CCDC170: variants seen among roughly 807,000 people sequenced by gnomAD.
The protein encoded by CCDC170 is coiled-coil domain-containing protein 170.
A neutral mutation model predicts 72.6 loss-of-function variants in CCDC170; 69 were observed. The observed-to-expected ratio is 0.95, with a 90% CI of 0.78 to 1.16. CCDC170 has a LOEUF of 1.16. Ranked by LOEUF, CCDC170 falls within the 50% of genes most tolerant of loss-of-function variation. The pLI, the probability that CCDC170 is intolerant of heterozygous loss-of-function variation, is 0.00. For missense variants in CCDC170, 852 were observed against 832.5 expected (o/e 1.02, Z -0.29); for synonymous variants, 300 against 303.9 (o/e 0.99, Z 0.13).
chr6:151,611,077 A>C (rs557426601), intron 9 of CCDC170, among the ~76,000 whole-genome samples: 17 of 152,284 alleles, frequency 1.1e-4, no homozygotes, highest in African/African-American at 4.1e-4. Flanking sequence ...GAAGATCAAG[A>C]ACATCTTGGC....
chr6:151,541,590 A>G (rs1389442246), intron 3 of CCDC170, among the ~76,000 whole-genome samples: 1 of 152,072 alleles, frequency 6.6e-6, no homozygotes. Flanking sequence ...TGGGTACTCA[A>G]TAAGTATTTA....
At position 151,499,240 on chromosome 6, in the gene CCDC170, C is replaced by G. The variant is rs570089330; in HGVS notation, c.57+5055C>G. ...ACTGTATTTGACTCTTCTAGGCATGCTGTATAAGTGGAATCAGACTGTATT... is the reference window on the plus strand; with the variant it reads ...ACTGTATTTGACTCTTCTAGGCATGGTGTATAAGTGGAATCAGACTGTATT... On this transcript the variant is annotated intron_variant, in intron 1 of 10. Coordinates refer to ENST00000239374, the MANE Select transcript of CCDC170 (RefSeq NM_025059.4). Among the ~76,000 whole-genome samples the G allele has an allele frequency of 2.0e-3, 263 of 130,872 alleles. 2 individuals are homozygous for G. The highest frequency in any genetic ancestry group is 3.1e-3 in the African/African-American group (91 of 29,594). The allele number at this position is 130,872 out of a possible 152,430, so 85.9% of individuals were successfully genotyped here.
chr6:151,549,246 A>G (rs1452964347), intron 5 of CCDC170, among the ~76,000 whole-genome samples: 46 of 152,064 alleles, frequency 3.0e-4, no homozygotes, highest in Admixed American at 3.0e-3. Flanking sequence ...CATGTTAGCC[A>G]GGCTGGTCTC....
intron 1 of CCDC170, among the ~76,000 whole-genome samples, chr6:151,519,208 A>AT (rs1170290783): frequency 2.0e-5 from 3 of 152,104 alleles, no homozygotes; most frequent in Non-Finnish European, 4.4e-5. Context: ...CAGAGCGGCC[A>AT]TTTATGGACC....
At chr6:151,580,197 C>G (rs1280523234) in intron 6 of CCDC170, among the ~76,000 whole-genome samples, 1 of 152,164 alleles carries the variant, frequency 6.6e-6, no homozygotes. Context: ...AGTTCTCCCT[C>G]TCTCCGCTTG....
At chr6:151,511,387 G>C (rs1782148053) in intron 1 of CCDC170, among the ~76,000 whole-genome samples, 1 of 152,162 alleles carries the variant, frequency 6.6e-6, no homozygotes, top group African/African-American at 2.4e-5. Flanking sequence ...TGACCAGAGG[G>C]AAGAAGCCTT....
chr6:151,578,645 C>T (rs1231751577), intron 6 of CCDC170, among the ~76,000 whole-genome samples: 2 of 152,150 alleles, frequency 1.3e-5, no homozygotes, highest in African/African-American at 2.4e-5. Context: ...CCTAATTTAA[C>T]TCAAAACAAA....
chr6:151,537,975 G>T, intron 2 of CCDC170, 70 bp from the exon 3 acceptor site: 5 of 1,427,492 alleles, frequency 3.5e-6, no homozygotes, highest in Non-Finnish European at 4.7e-6. Flanking sequence ...GATGGCTTTG[G>T]GTTTCTTAAA....
chr6:151,557,652 C>G (rs1372010197), intron 5 of CCDC170, among the ~76,000 whole-genome samples: 1 of 152,164 alleles, frequency 6.6e-6, no homozygotes, highest in Non-Finnish European at 1.5e-5. Flanking sequence ...TACATTCCCA[C>G]CAACAGTGTT....
chr6:151,580,527 T>G (rs1776365869), intron 6 of CCDC170, among the ~76,000 whole-genome samples: 1 of 152,148 alleles, frequency 6.6e-6, no homozygotes, highest in Admixed American at 6.5e-5. Flanking sequence ...CAGTAGATTT[T>G]TTATTATTGG....
intron 6 of CCDC170, among the ~76,000 whole-genome samples, chr6:151,575,269 T>TA (rs1237719418): frequency 6.6e-6 from 1 of 151,868 alleles, no homozygotes; most frequent in African/African-American, 2.4e-5. Flanking sequence ...TTAATGTTAC[T>TA]AAAAAACTCA....
Position 151,615,532 on chromosome 6 carries a change from G to T in CCDC170, c.1800G>T (p.Lys600Asn). The T allele has an allele frequency of 6.2e-7, 1 of 1,614,090 alleles. No homozygotes were observed. The highest frequency in any genetic ancestry group is 8.5e-7 in the Non-Finnish European group (1 of 1,179,982). ...AGATGAAGGAGAAAGCTGAGAAAAA[G>T]CTCATGTCTGTCAAGTCAGAACTGG... ...LEKMKEKAEK[K>N]LMSVKSELDT... Residue 600 changes from lysine to asparagine, a missense_variant, in exon 10 of 11, where the codon AAG becomes AAT. By Grantham distance (94) the Lys-to-Asn change is moderately conservative. Coordinates refer to ENST00000239374, the MANE Select transcript of CCDC170 (RefSeq NM_025059.4).
In CCDC170 at chr6:151,596,284, T is replaced by C. The variant is rs746300826; in HGVS notation, c.1468-51T>C. ...ACATTATCTGGGTAACTCATTTATATTTACTATTGTTCAATTATTAAAAAA... is the reference window on the plus strand; with the variant it reads ...ACATTATCTGGGTAACTCATTTATACTTACTATTGTTCAATTATTAAAAAA... On this transcript the variant is annotated intron_variant, in intron 8 of 10. Transcript: ENST00000239374. The C allele has an allele frequency of 2.6e-5, 39 of 1,520,792 alleles. No individual in the cohort carries two copies. In the South Asian group the frequency reaches 4.9e-4, roughly 19 times the overall value. 94.2% of individuals were successfully genotyped at this position (1,520,792 alleles called of 1,614,324 possible).
Position 151,618,035 on chromosome 6 carries a change from T to C in CCDC170, c.2036T>C (p.Leu679Pro). 3 of 1,614,172 alleles carry C rather than the reference T, an allele frequency of 1.9e-6. No homozygotes were observed. In the South Asian group the frequency reaches 3.3e-5, roughly 18 times the overall value. ...ALPDYEIIKC[L>P]ERLVHSHQHH... ...CCTGATTATGAAATCATCAAGTGTC[T>C]TGAAAGATTGGTCCATTCACATCAG... Residue 679 changes from leucine (L) to proline (P), a missense_variant, in exon 11 of 11, where the codon CTT becomes CCT. By Grantham distance (98) the Leu-to-Pro change is moderately conservative (BLOSUM62 -3). Coordinates refer to ENST00000239374, the MANE Select transcript of CCDC170 (RefSeq NM_025059.4).
In CCDC170 at chr6:151,503,437, T is replaced by C. The variant is rs571285791; in HGVS notation, c.57+9252T>C. 8.5e-5 allele frequency among the ~76,000 whole-genome samples: 13 copies of C among 152,068 alleles called. No individual in the cohort carries two copies. The East Asian group carries it at 2.5e-3, about 29-fold the overall frequency. ...GGCCCTTGGGTGGGAATGAGCTTGA[T>C]GTGTTTATTTTTATTTTTATTTTTA... On this transcript the variant is annotated intron_variant, in intron 1 of 10. Coordinates refer to ENST00000239374, the MANE Select transcript of CCDC170 (RefSeq NM_025059.4).
Position 151,620,210 on chromosome 6 carries a change from GA to G in CCDC170, c.*2066del, listed in dbSNP as rs1777039169. 1 of 124,926 alleles carries G rather than the reference GA, an allele frequency of 8.0e-6. No homozygotes were observed. The highest frequency in any genetic ancestry group is 1.8e-5 in the Non-Finnish European group (1 of 57,040). 7.7% of individuals were successfully genotyped at this position (124,926 alleles called of 1,614,324 possible). A position where few individuals can be genotyped will look rare whatever the true frequency, so the allele number is the denominator to read the frequency against. ...ATTCCAAAAAAAAAAAAAAAAAGAA[GA>G]AAGAGAGAAAGAAAGAAACAGAAAA... is the stretch of plus-strand genomic sequence containing the variant. On this transcript the variant is annotated 3_prime_UTR_variant, in exon 11 of 11. Coordinates refer to ENST00000239374, the MANE Select transcript of CCDC170 (RefSeq NM_025059.4).
At chr6:151,594,078 A>C (rs1371782523) in intron 8 of CCDC170, among the ~76,000 whole-genome samples, 1 of 152,256 alleles carries the variant, frequency 6.6e-6, no homozygotes, top group Non-Finnish European at 1.5e-5. Flanking sequence ...AGTTTATACT[A>C]AATCAATGAA....
intron 1 of CCDC170, among the ~76,000 whole-genome samples, chr6:151,525,533 A>G (rs953721197): frequency 2.6e-5 from 4 of 152,278 alleles, no homozygotes; most frequent in South Asian, 2.1e-4. Flanking sequence ...TTAAGAAGGT[A>G]CTTTGTAATA....
At chr6:151,593,047 T>G in intron 7 of CCDC170, 60 bp from the exon 8 acceptor site, 1,236 of 1,510,104 alleles carry the variant, frequency 8.2e-4, no homozygotes, top group Non-Finnish European at 1.0e-3. Flanking sequence ...AGAGATTCTG[T>G]GAGATCACTC....
Sources: gnomAD v4.1 joint callset for allele counts (sites outside exome capture counted in the v4.1 genomes callset) on GRCh38, gnomAD v4.1.1 for gene constraint, MANE v1.5 for transcripts, NCBI Gene and HGNC (gene_info 2026-07-23, HGNC 2026-07-21) for gene names.